GALNTL6: variants seen among roughly 807,000 people sequenced by gnomAD.
The protein encoded by GALNTL6 is polypeptide N-acetylgalactosaminyltransferase-like 6.
A neutral mutation model predicts 73.7 loss-of-function variants in GALNTL6; 46 were observed. The ratio of observed to expected loss-of-function variants is 0.62; its 90% CI spans 0.49 to 0.80. GALNTL6 has a LOEUF of 0.80. Among genes scored for constraint, GALNTL6 ranks in the 30% least tolerant of loss-of-function variants. The pLI is 0.00. For missense variants in GALNTL6, 604 were observed against 755.0 expected (o/e 0.80, Z 2.34); for synonymous variants, 259 against 263.7 (o/e 0.98, Z 0.17).
intron 3 of GALNTL6, among the ~76,000 whole-genome samples, chr4:172,273,562 G>A (rs1738728605): frequency 6.6e-6 from 1 of 152,190 alleles, no homozygotes; most frequent in Non-Finnish European, 1.5e-5. Flanking sequence ...ACAGAAAAGA[G>A]AAGCAGGGTA....
At position 172,301,058 on chromosome 4, in the gene GALNTL6, G is replaced by T. The variant is rs193025529; in HGVS notation, c.248-10556G>T. ...TAGTCCCATATTTCTTGGAGGCTTT[G>T]TTCGTTTCTTTTTATTCTTTTTTCT... On this transcript the variant is annotated intron_variant, in intron 3 of 12. Coordinates refer to ENST00000506823, the MANE Select transcript of GALNTL6 (RefSeq NM_001034845.3). 4.5e-3 allele frequency among the ~76,000 whole-genome samples: 679 copies of T among 152,248 alleles called. 6 individuals are homozygous for T. The highest frequency in any genetic ancestry group is 0.011 in the African/African-American group (458 of 41,528).
At chr4:171,826,622 C>T (rs1734831538) in intron 2 of GALNTL6, among the ~76,000 whole-genome samples, 1 of 152,116 alleles carries the variant, frequency 6.6e-6, no homozygotes, top group Non-Finnish European at 1.5e-5. Context: ...CCAATATCAT[C>T]AGCAATCTCT....
At chr4:171,821,330 C>A (rs1229255393) in intron 2 of GALNTL6, among the ~76,000 whole-genome samples, 1 of 152,132 alleles carries the variant, frequency 6.6e-6, no homozygotes, top group Non-Finnish European at 1.5e-5. Flanking sequence ...CATGAGCCCC[C>A]ACTCCCAGCC....
chr4:172,341,126 T>C (rs112559769), intron 4 of GALNTL6, among the ~76,000 whole-genome samples: 5,311 of 152,272 alleles, frequency 0.035, 262 homozygotes, highest in African/African-American at 0.11. Flanking sequence ...TGAAAGCCAC[T>C]ATTGTTTGTT....
intron 7 of GALNTL6, among the ~76,000 whole-genome samples, chr4:172,866,562 A>G (rs973445837): frequency 6.6e-6 from 1 of 152,178 alleles, no homozygotes; most frequent in Admixed American, 6.5e-5. Flanking sequence ...ATTGTTGGTT[A>G]TTGTTACATT....
intron 12 of GALNTL6, among the ~76,000 whole-genome samples, chr4:173,030,175 T>C (rs1282426206): frequency 6.6e-6 from 1 of 152,180 alleles, no homozygotes; most frequent in Non-Finnish European, 1.5e-5. Context: ...TTGTGATTCT[T>C]ATGCAGAAAA....
chr4:172,854,589 C>G (rs893799883), intron 7 of GALNTL6, among the ~76,000 whole-genome samples: 2 of 152,184 alleles, frequency 1.3e-5, no homozygotes, highest in East Asian at 1.9e-4. Context: ...CCTAAATTTT[C>G]CCATCTCCCA....
chr4:171,953,891 G>A (rs900862621), intron 2 of GALNTL6, among the ~76,000 whole-genome samples: 7 of 152,146 alleles, frequency 4.6e-5, no homozygotes, highest in South Asian at 2.1e-4. Flanking sequence ...TTAACAATTG[G>A]TGAGGAATAC....
intron 8 of GALNTL6, among the ~76,000 whole-genome samples, chr4:172,911,890 G>A (rs867055584): frequency 6.6e-6 from 1 of 152,294 alleles, no homozygotes; most frequent in South Asian, 2.1e-4. Flanking sequence ...GTTGTAAAGT[G>A]AGCAAGCTGT....
In GALNTL6 at chr4:172,512,229, T is replaced by G. The variant is rs1734452434; in HGVS notation, c.553+163540T>G. Among the ~76,000 whole-genome samples the G allele has an allele frequency of 3.6e-5, 2 of 55,016 alleles. 1 individual carries two copies. Among genetic ancestry groups the G allele is most frequent in the African/African-American group, 9.1e-5 (2 of 21,986 alleles). 36.1% of individuals were successfully genotyped at this position (55,016 alleles called of 152,430 possible). A position where few individuals can be genotyped will look rare whatever the true frequency, so the allele number is the denominator to read the frequency against. On this transcript the variant is annotated intron_variant, in intron 5 of 12. Coordinates refer to ENST00000506823, the MANE Select transcript of GALNTL6 (RefSeq NM_001034845.3). ...TTTTTTTACTGTTGGTGCTTTAAAGTCTATTTTGTCTGAGATAGAAATAGC... is the reference window on the plus strand; with the variant it reads ...TTTTTTTACTGTTGGTGCTTTAAAGGCTATTTTGTCTGAGATAGAAATAGC...
At chr4:172,385,804 C>A (rs1588205) in intron 5 of GALNTL6, among the ~76,000 whole-genome samples, 150,629 of 152,026 alleles carry the variant, frequency 0.99, 74,644 homozygotes, top group Middle Eastern at 1. Context: ...TTTATTTTTA[C>A]CATGTCTTTT....
chr4:172,653,465 C>T (rs996839764), intron 5 of GALNTL6, among the ~76,000 whole-genome samples: 1 of 152,136 alleles, frequency 6.6e-6, no homozygotes, highest in Non-Finnish European at 1.5e-5. Flanking sequence ...AGGTGATCTG[C>T]CCGCCTCGGC....
intron 5 of GALNTL6, among the ~76,000 whole-genome samples, chr4:172,395,354 TATTA>T (rs1352660581): frequency 2.6e-5 from 4 of 152,206 alleles, no homozygotes; most frequent in Non-Finnish European, 5.9e-5. Context: ...TTGTTTTATT[TATTA>T]GAGTCAAACA....
intron 2 of GALNTL6, among the ~76,000 whole-genome samples, chr4:172,126,610 A>G (rs2111009192): frequency 6.6e-6 from 1 of 152,254 alleles, no homozygotes; most frequent in Non-Finnish European, 1.5e-5. Context: ...TCACATTCCC[A>G]CCAGAGACTC....
chr4:172,734,691 C>T (rs1311102023), intron 5 of GALNTL6, among the ~76,000 whole-genome samples: 1 of 152,096 alleles, frequency 6.6e-6, no homozygotes, highest in Non-Finnish European at 1.5e-5. Context: ...TACAGCTTTT[C>T]CAGGTGCATG....
intron 5 of GALNTL6, among the ~76,000 whole-genome samples, chr4:172,573,777 G>A (rs1319674140): frequency 6.6e-6 from 1 of 152,108 alleles, no homozygotes; most frequent in Admixed American, 6.5e-5. Context: ...TTTCAAGAAT[G>A]TAAAATCTTT....
intron 10 of GALNTL6, among the ~76,000 whole-genome samples, chr4:173,004,469 A>T (rs1213626676): frequency 6.6e-6 from 1 of 152,110 alleles, no homozygotes; most frequent in African/African-American, 2.4e-5. Flanking sequence ...TCTACTAAAA[A>T]TACAAAATTA....
intron 5 of GALNTL6, among the ~76,000 whole-genome samples, chr4:172,754,694 T>C (rs1323789031): frequency 6.6e-6 from 1 of 152,148 alleles, no homozygotes; most frequent in Non-Finnish European, 1.5e-5. Context: ...TTTTATGGAA[T>C]GGATGGTGTT....
chr4:172,620,519 G>GC (rs1458144562), intron 5 of GALNTL6, among the ~76,000 whole-genome samples: 1 of 152,188 alleles, frequency 6.6e-6, no homozygotes, highest in African/African-American at 2.4e-5. Context: ...CTAACACAAA[G>GC]CACAAATACA....
Sources: allele counts gnomAD v4.1 joint callset (sites outside exome capture counted in the v4.1 genomes callset), GRCh38; gene constraint gnomAD v4.1.1; transcripts MANE v1.5; gene names NCBI Gene and HGNC (gene_info 2026-07-23, HGNC 2026-07-21).